Variants in SIAH2 observed in about 807,000 individuals in gnomAD.
The protein encoded by SIAH2 is E3 ubiquitin-protein ligase SIAH2.
SIAH2 carries 4 observed loss-of-function variants against 20.4 expected under a neutral mutation model. That is an observed-to-expected ratio of 0.20 (90% CI 0.10 to 0.45). SIAH2 has a LOEUF of 0.45. Among genes scored for constraint, SIAH2 ranks in the 20% least tolerant of loss-of-function variants. The probability of loss-of-function intolerance (pLI) is 0.99; values close to 1 mark genes in which losing one functional copy is unlikely to be tolerated. For synonymous variants in SIAH2, 171 were observed against 192.5 expected, an observed-to-expected ratio of 0.89 and a Z score of 0.93; for missense variants, 259 against 440.3, an observed-to-expected ratio of 0.59 and a Z score of 3.69.
intron 1 of SIAH2, among the ~76,000 whole-genome samples, chr3:150,748,301 ACAGT>A (rs1714273458): frequency 6.6e-6 from 1 of 152,260 alleles, no homozygotes; most frequent in African/African-American, 2.4e-5. Flanking sequence ...ACAGCAACAC[ACAGT>A]CAAACACAAG....
In SIAH2 at chr3:150,755,973, A is replaced by G. The variant is rs576070941; in HGVS notation, c.417+6460T>C. On this transcript the variant is annotated intron_variant, in intron 1 of 1. Coordinates refer to ENST00000312960, the MANE Select transcript of SIAH2 (RefSeq NM_005067.7). The stretch of plus-strand genomic sequence containing the variant: ...CCAGGAATATTTTTCATCCATCTGT[A>G]TATCACCTGTGGGCAAAAACTGAGA... Among the ~76,000 whole-genome samples the G allele has an allele frequency of 4.6e-5, 7 of 152,322 alleles. No homozygotes were observed. The South Asian group carries it at 1.2e-3, about 27-fold the overall frequency.
At chr3:150,754,677 G>C (rs746324146) in intron 1 of SIAH2, among the ~76,000 whole-genome samples, 22 of 152,188 alleles carry the variant, frequency 1.4e-4, no homozygotes, top group South Asian at 6.2e-4. Flanking sequence ...GATTATAGGA[G>C]ATTTTAATTT....
intron 1 of SIAH2, among the ~76,000 whole-genome samples, chr3:150,758,685 C>T (rs1243199119): frequency 7.3e-5 from 11 of 151,102 alleles, no homozygotes; most frequent in South Asian, 2.1e-4. Context: ...ATTCTCCTGC[C>T]GCAGCCTCCT....
Position 150,742,336 on chromosome 3 carries a change from G to C in SIAH2, c.780C>G (p.Asn260Lys). The change falls in exon 2 of 2, where the codon AAC becomes AAG. Residue 260 changes from asparagine to lysine, a missense_variant. Coordinates refer to ENST00000312960, the MANE Select transcript of SIAH2 (RefSeq NM_005067.7). The surrounding 1 kb of genome is among the most constrained non-coding windows in gnomAD (Gnocchi z 4.8). ...CATTCAACTCCAGTCTGTAGGCAAA[G>C]TTCTCGGCTTGCTTGCGGGTGCCAA... ...LLIGTRKQAENFAYRLELNGN... is the reference protein window; with the variant it reads ...LLIGTRKQAEKFAYRLELNGN... 1 of 1,614,200 alleles carries C rather than the reference G, an allele frequency of 6.2e-7. No homozygotes were observed. Among genetic ancestry groups the C allele is most frequent in the Non-Finnish European group, 8.5e-7 (1 of 1,180,040 alleles).
chr3:150,752,696 C>A (rs558459187), intron 1 of SIAH2, among the ~76,000 whole-genome samples: 4 of 152,140 alleles, frequency 2.6e-5, no homozygotes, highest in African/African-American at 9.7e-5. Context: ...TCTCCGGCCC[C>A]GCAAGTTATT....
chr3:150,754,701 A>G (rs1458118313), intron 1 of SIAH2, among the ~76,000 whole-genome samples: 2 of 152,228 alleles, frequency 1.3e-5, no homozygotes, highest in East Asian at 1.9e-4. Flanking sequence ...ACTATTTTCT[A>G]TATGTTCTAC....
chr3:150,762,457 G>A lies in SIAH2; in HGVS notation c.393C>T (p.Ala131=). 6.2e-7 allele frequency: 1 copy of A among 1,613,184 alleles called. No individual in the cohort carries two copies. Among genetic ancestry groups the A allele is most frequent in the Non-Finnish European group, 8.5e-7 (1 of 1,179,766 alleles). The change falls in exon 1 of 2, where the codon GCC becomes GCT. Residue 131 remains alanine, a synonymous_variant. Coordinates refer to ENST00000312960, the MANE Select transcript of SIAH2 (RefSeq NM_005067.7). The surrounding 1 kb of genome is among the most constrained non-coding windows in gnomAD (Gnocchi z 6.6). ...CCTTACAGGGAAACAGGACTGCCGAGGCCACCTTCTCCATAGCCAGGTTCC... is the reference window on the plus strand; with the variant it reads ...CCTTACAGGGAAACAGGACTGCCGAAGCCACCTTCTCCATAGCCAGGTTCC... ...SIRNLAMEKV[A]SAVLFPCKYA... is the part of the protein sequence containing the mutation.
At position 150,763,134 on chromosome 3, in the gene SIAH2, G is replaced by T; in HGVS notation, c.-285C>A. ...GAACCCCAGCGGTGCGCAGAGCCCTGGCCCACCCGCTTCTGGAACAGCCGC... is the reference window on the plus strand; with the variant it reads ...GAACCCCAGCGGTGCGCAGAGCCCTTGCCCACCCGCTTCTGGAACAGCCGC... On this transcript the variant is annotated 5_prime_UTR_variant, in exon 1 of 2. Coordinates refer to ENST00000312960, the MANE Select transcript of SIAH2 (RefSeq NM_005067.7). The surrounding 1 kb of genome is among the most constrained non-coding windows in gnomAD (Gnocchi z 4.1). The T allele has an allele frequency of 6.2e-6, 1 of 160,882 alleles. No individual in the cohort carries two copies. The allele number at this position is 160,882 out of a possible 1,614,324, so 10.0% of individuals were successfully genotyped here.
At chr3:150,760,335 G>A (rs896354583) in intron 1 of SIAH2, among the ~76,000 whole-genome samples, 1 of 152,084 alleles carries the variant, frequency 6.6e-6, no homozygotes, top group Non-Finnish European at 1.5e-5. Context: ...GGGAATAATT[G>A]GCCCTTTTAA....
At chr3:150,759,468 C>T (rs1714557834) in intron 1 of SIAH2, among the ~76,000 whole-genome samples, 1 of 152,162 alleles carries the variant, frequency 6.6e-6, no homozygotes, top group African/African-American at 2.4e-5. Flanking sequence ...AGAGGCCCAT[C>T]TGGTGAACTC....
intron 1 of SIAH2, among the ~76,000 whole-genome samples, chr3:150,756,748 G>C (rs993347788): frequency 2.6e-5 from 4 of 152,168 alleles, no homozygotes; most frequent in African/African-American, 9.7e-5. Context: ...TATACAAAAA[G>C]TAAACTACAA....
At chr3:150,759,881 C>T (rs1202045852) in intron 1 of SIAH2, among the ~76,000 whole-genome samples, 4 of 152,158 alleles carry the variant, frequency 2.6e-5, no homozygotes, top group Non-Finnish European at 5.9e-5. Context: ...GGGAGGTGGT[C>T]TTTCAGGCAA....
intron 1 of SIAH2, among the ~76,000 whole-genome samples, chr3:150,745,920 A>G (rs1714201470): frequency 6.6e-6 from 1 of 152,240 alleles, no homozygotes; most frequent in Non-Finnish European, 1.5e-5. Context: ...CCAGTTGAGA[A>G]AGACCATATA....
intron 1 of SIAH2, among the ~76,000 whole-genome samples, chr3:150,745,086 T>C (rs552616517): frequency 3.9e-4 from 59 of 152,234 alleles, no homozygotes; most frequent in African/African-American, 1.4e-3. Flanking sequence ...CTTAAATAAA[T>C]AGTTTTAAAG....
At chr3:150,756,030 C>T (rs1336321939) in intron 1 of SIAH2, among the ~76,000 whole-genome samples, 2 of 152,176 alleles carry the variant, frequency 1.3e-5, no homozygotes, top group Non-Finnish European at 2.9e-5. Flanking sequence ...ATAGATGCTA[C>T]ACAGTCTAAA....
chr3:150,754,488 C>T (rs1053913288), intron 1 of SIAH2, among the ~76,000 whole-genome samples: 2 of 152,172 alleles, frequency 1.3e-5, no homozygotes, highest in Non-Finnish European at 2.9e-5. Context: ...CCAGGCCCCA[C>T]CTCCAACATT....
chr3:150,745,264 CA>C (rs1171849369), intron 1 of SIAH2, among the ~76,000 whole-genome samples: 65 of 151,814 alleles, frequency 4.3e-4, no homozygotes, highest in African/African-American at 1.5e-3. Context: ...CACACACACA[CA>C]CACACACACA....
intron 1 of SIAH2, among the ~76,000 whole-genome samples, chr3:150,753,074 C>G (rs1362134069): frequency 6.6e-6 from 1 of 152,226 alleles, no homozygotes; most frequent in Non-Finnish European, 1.5e-5. Context: ...TCTTCACAGG[C>G]AAACCGCTGC....
At chr3:150,752,587 C>T (rs537338095) in intron 1 of SIAH2, among the ~76,000 whole-genome samples, 13 of 151,784 alleles carry the variant, frequency 8.6e-5, no homozygotes, top group Admixed American at 4.6e-4. Context: ...CCAGCCTGGG[C>T]GACAGAGCGA....
Sources: allele counts gnomAD v4.1 joint callset (sites outside exome capture counted in the v4.1 genomes callset), GRCh38; gene constraint gnomAD v4.1.1; non-coding constraint Gnocchi (gnomAD v3.1); transcripts MANE v1.5; gene names NCBI Gene and HGNC (gene_info 2026-07-23, HGNC 2026-07-21).